The following G2E3 variants were observed in gnomAD, a reference collection of about 807,000 sequenced individuals.
The protein encoded by G2E3 is G2/M-phase specific E3 ubiquitin protein ligase, also known as G2/M phase-specific E3 ubiquitin-protein ligase.
A neutral mutation model predicts 92.8 loss-of-function variants in G2E3; 35 were observed. The ratio of observed to expected loss-of-function variants is 0.38; its 90% CI spans 0.29 to 0.50. G2E3 has a LOEUF of 0.50. G2E3 is among the 20% of genes least tolerant of loss of function. G2E3 has a pLI of 0.94. For missense variants in G2E3, 554 were observed against 823.8 expected (o/e 0.67, Z 4.01); for synonymous variants, 242 against 272.4 (o/e 0.89, Z 1.10).
intron 11 of G2E3, among the ~76,000 whole-genome samples, chr14:30,606,140 T>C (rs1001587175): frequency 3.9e-5 from 6 of 152,138 alleles, no homozygotes; most frequent in African/African-American, 1.4e-4. Context: ...GAATTCTTCC[T>C]GTTTGTATAT....
At chr14:30,609,599 T>G (rs1040713596) in intron 12 of G2E3, among the ~76,000 whole-genome samples, 2 of 152,240 alleles carry the variant, frequency 1.3e-5, no homozygotes, top group South Asian at 4.1e-4. Context: ...CTGTAATCTT[T>G]CTGAATGATT....
intron 12 of G2E3, among the ~76,000 whole-genome samples, chr14:30,610,940 A>G (rs1882059217): frequency 6.6e-6 from 1 of 152,216 alleles, no homozygotes; most frequent in African/African-American, 2.4e-5. Context: ...TGCAACAGAT[A>G]CCATATAGTT....
At chr14:30,583,071 G>A (rs1399493137) in intron 2 of G2E3, among the ~76,000 whole-genome samples, 2 of 152,134 alleles carry the variant, frequency 1.3e-5, no homozygotes, top group Non-Finnish European at 2.9e-5. Flanking sequence ...AGTCCAGTGT[G>A]CATGGTTTAA....
At chr14:30,605,006 C>T (rs1327962664) in intron 10 of G2E3, among the ~76,000 whole-genome samples, 1 of 152,174 alleles carries the variant, frequency 6.6e-6, no homozygotes, top group Non-Finnish European at 1.5e-5. Context: ...AAGTGATTCT[C>T]CTGCCTCAGC....
chr14:30,569,511 C>T (rs900561320), intron 1 of G2E3, among the ~76,000 whole-genome samples: 1 of 152,120 alleles, frequency 6.6e-6, no homozygotes, highest in African/African-American at 2.4e-5. Context: ...GATACATTGT[C>T]CTGTTAAAAT....
intron 6 of G2E3, among the ~76,000 whole-genome samples, chr14:30,594,919 A>G (rs1881202716): frequency 6.6e-6 from 1 of 151,696 alleles, no homozygotes. Context: ...ACCTGAGGTC[A>G]GGAGTTCGAG....
intron 5 of G2E3, 63 bp from the exon 6 acceptor site, chr14:30,593,411 C>T (rs1881115619): frequency 1.4e-6 from 1 of 734,078 alleles, no homozygotes; most frequent in Admixed American, 2.6e-5. Context: ...ATGTGAATTA[C>T]AGTGTTTTCC....
chr14:30,612,387 GT>G lies in G2E3; in HGVS notation c.1673+11del. 1.3e-6 allele frequency: 2 copies of G among 1,526,412 alleles called. No homozygotes were observed. The highest frequency in any genetic ancestry group is 1.8e-6 in the Non-Finnish European group (2 of 1,126,996). The allele number at this position is 1,526,412 out of a possible 1,614,324, so 94.6% of individuals were successfully genotyped here. Reference sequence around the variant, plus strand: ...CCACACACCCTTTGAAAGGTAAGTTGTTTCTATTAATATATGGCTCTTTCAA... The same window carrying G: ...CCACACACCCTTTGAAAGGTAAGTTGTTCTATTAATATATGGCTCTTTCAA... On this transcript the variant is annotated intron_variant, in intron 13 of 14. Coordinates refer to ENST00000206595, the MANE Select transcript of G2E3 (RefSeq NM_017769.5).
In G2E3 at chr14:30,618,773, T is replaced by C. The variant is rs1222730563; in HGVS notation, c.*2239T>C. On this transcript the variant is annotated 3_prime_UTR_variant, in exon 15 of 15. Coordinates refer to ENST00000206595, the MANE Select transcript of G2E3 (RefSeq NM_017769.5). ...GAATATCAGAGAAACCTGTAGGTTATTTATTTTCTGCAGTGTCATTTTGTC... is the reference window on the plus strand; with the variant it reads ...GAATATCAGAGAAACCTGTAGGTTACTTATTTTCTGCAGTGTCATTTTGTC... 1 of 152,158 alleles carries C rather than the reference T, an allele frequency of 6.6e-6. No homozygotes were observed. The highest frequency in any genetic ancestry group is 1.5e-5 in the Non-Finnish European group (1 of 67,952). The allele number at this position is 152,158 out of a possible 1,614,324, so 9.4% of individuals were successfully genotyped here. A position where few individuals can be genotyped will look rare whatever the true frequency, so the allele number is the denominator to read the frequency against.
chr14:30,604,903 C>CATTT (rs1491466097), intron 10 of G2E3, among the ~76,000 whole-genome samples: 1 of 146,766 alleles, frequency 6.8e-6, no homozygotes, highest in African/African-American at 2.7e-5. Context: ...TTCATTCATT[C>CATTT]ATTCATTTAT....
intron 3 of G2E3, among the ~76,000 whole-genome samples, chr14:30,587,858 G>C (rs1179869487): frequency 3.3e-5 from 5 of 152,154 alleles, no homozygotes; most frequent in African/African-American, 1.2e-4. Context: ...TGTCACTTTT[G>C]CTTTATTCTG....
intron 1 of G2E3, among the ~76,000 whole-genome samples, chr14:30,569,166 T>G (rs1879610867): frequency 6.6e-6 from 1 of 152,110 alleles, no homozygotes; most frequent in Non-Finnish European, 1.5e-5. Flanking sequence ...TATAAGAAAT[T>G]AAAAGAAAAA....
In G2E3 at chr14:30,615,362, C is replaced by G; in HGVS notation, c.1687C>G (p.Leu563Val). Residue 563 changes from leucine to valine, a missense_variant, in exon 14 of 15, where the codon CTG becomes GTG. Coordinates refer to ENST00000206595, the MANE Select transcript of G2E3 (RefSeq NM_017769.5). ...HTPFESFKQG[L>V]KTLGVLEKIQ... ...TCTTCTCTTAAGTTTTAAGCAGGGTCTGAAAACCCTTGGTGTTTTGGAGAA... is the reference window on the plus strand; with the variant it reads ...TCTTCTCTTAAGTTTTAAGCAGGGTGTGAAAACCCTTGGTGTTTTGGAGAA... 6.3e-7 allele frequency: 1 copy of G among 1,586,052 alleles called. No individual in the cohort carries two copies. The highest frequency in any genetic ancestry group is 8.6e-7 in the Non-Finnish European group (1 of 1,163,902).
intron 8 of G2E3, among the ~76,000 whole-genome samples, chr14:30,599,224 C>CT (rs76536965): frequency 5.3e-5 from 8 of 151,582 alleles, no homozygotes; most frequent in Admixed American, 1.3e-4. Flanking sequence ...GTAATTACCT[C>CT]TTTTTTTTGT....
Position 30,605,563 on chromosome 14 carries a change from A to AT in G2E3, c.1071dup (p.Lys358Ter). The AT allele has an allele frequency of 6.7e-7, 1 of 1,495,526 alleles. No individual in the cohort carries two copies. The allele number at this position is 1,495,526 out of a possible 1,614,324, so 92.6% of individuals were successfully genotyped here. On this transcript the variant is annotated frameshift_variant, in exon 11 of 15. Coordinates refer to ENST00000206595, the MANE Select transcript of G2E3 (RefSeq NM_017769.5). LOFTEE classifies it high-confidence loss of function. Reference sequence around the variant, plus strand: ...ACTATTAATAGAGTTAGGATTCCAAATTAAAAAAAAAACTAAAAGATTGTA... The same window carrying AT: ...ACTATTAATAGAGTTAGGATTCCAAATTTAAAAAAAAAACTAAAAGATTGTA...
rs1882349643 is a variant in G2E3 at position 30,617,149 on chromosome 14, C to T, written c.*615C>T. On this transcript the variant is annotated 3_prime_UTR_variant, in exon 15 of 15. Coordinates refer to ENST00000206595, the MANE Select transcript of G2E3 (RefSeq NM_017769.5). ...CTAGTGGGAAGTATTATATAAAAAG[C>T]AGAATTAAGCTGGGCACATGTGCTT... 6.6e-6 allele frequency: 1 copy of T among 151,750 alleles called. No individual in the cohort carries two copies. The highest frequency in any genetic ancestry group is 6.6e-5 in the Admixed American group (1 of 15,228). The allele number at this position is 151,750 out of a possible 1,614,324, so 9.4% of individuals were successfully genotyped here. A position where few individuals can be genotyped will look rare whatever the true frequency, so the allele number is the denominator to read the frequency against.
chr14:30,598,913 T>C (rs1237369545), intron 8 of G2E3, among the ~76,000 whole-genome samples: 1 of 152,226 alleles, frequency 6.6e-6, no homozygotes, highest in East Asian at 1.9e-4. Context: ...GCAAGGGTGC[T>C]GTAAATACAT....
chr14:30,568,849 A>ACCGGC lies in G2E3; in HGVS notation c.-5+9578_-5+9579insCGGCC, dbSNP rs141905028. Among the ~76,000 whole-genome samples, 1,512 of 152,304 alleles carry ACCGGC rather than the reference A, an allele frequency of 9.9e-3. 10 individuals carry two copies. Among genetic ancestry groups the ACCGGC allele is most frequent in the Non-Finnish European group, 0.016 (1,075 of 68,008 alleles). On this transcript the variant is annotated intron_variant, in intron 1 of 14. Coordinates refer to ENST00000206595, the MANE Select transcript of G2E3 (RefSeq NM_017769.5). ...GAATTACCAAAAGTGCAATAATACT[A>ACCGGC]CTGGCTTTTATATTTACTTCTGTAA...
chr14:30,619,897 C>T lies in G2E3; in HGVS notation c.*3363C>T, dbSNP rs751649573. 7 of 152,074 alleles carry T rather than the reference C, an allele frequency of 4.6e-5. No individual in the cohort carries two copies. Among genetic ancestry groups the T allele is most frequent in the Middle Eastern group, 3.2e-3 (1 of 316 alleles). 9.4% of individuals were successfully genotyped at this position (152,074 alleles called of 1,614,324 possible). ...GGATTTAATAAGATTAAGATTCTGA[C>T]GAAACTGAAAGATACAAGATTCCTT... On this transcript the variant is annotated 3_prime_UTR_variant, in exon 15 of 15. Transcript: ENST00000206595.
Sources: gnomAD v4.1 joint callset for allele counts (sites outside exome capture counted in the v4.1 genomes callset) on GRCh38, gnomAD v4.1.1 for gene constraint, MANE v1.5 for transcripts, NCBI Gene and HGNC (gene_info 2026-07-23, HGNC 2026-07-21) for gene names.